The following SHB variants were observed in gnomAD, a reference collection of about 807,000 sequenced individuals.
The protein encoded by SHB is SH2 domain-containing adapter protein B.
A neutral mutation model predicts 52.3 loss-of-function variants in SHB; 20 were observed. That is an observed-to-expected ratio of 0.38 (90% CI 0.27 to 0.56). SHB has a LOEUF of 0.56. Ranked by LOEUF, SHB falls within the 20% of genes least tolerant of loss-of-function variation. The pLI, the probability that SHB is intolerant of heterozygous loss-of-function variation, is 0.71. For synonymous variants in SHB, 397 were observed against 316.5 expected (o/e 1.25, Z -2.70); for missense variants, 825 against 723.3 (o/e 1.14, Z -1.61).
In SHB at chr9:37,927,818, C is replaced by T. The variant is rs970841152; in HGVS notation, c.1347-7814G>A. 1.1e-4 allele frequency among the ~76,000 whole-genome samples: 17 copies of T among 152,278 alleles called. 2 individuals carry two copies. Among genetic ancestry groups the T allele is most frequent in the Admixed American group, 1.0e-3 (16 of 15,296 alleles). On this transcript the variant is annotated intron_variant, in intron 5 of 5. Transcript: ENST00000377707. ...CCTCAGGGTTCCCACCAGCCTCAGCCAAGTGCACGTGGAAACTGCAAGGAG... is the reference window on the plus strand; with the variant it reads ...CCTCAGGGTTCCCACCAGCCTCAGCTAAGTGCACGTGGAAACTGCAAGGAG...
chr9:38,067,822 T>C (rs1821989973), intron 1 of SHB, 107 bp downstream of exon 1: 3 of 1,249,554 alleles, frequency 2.4e-6, no homozygotes, highest in Non-Finnish European at 3.1e-6. Context: ...CCCAGGGTCC[T>C]AGGCCGAAGC....
At chr9:37,961,246 C>T (rs980824286) in intron 3 of SHB, among the ~76,000 whole-genome samples, 2 of 152,146 alleles carry the variant, frequency 1.3e-5, no homozygotes, top group Admixed American at 6.5e-5. Context: ...GTGGGTGCTG[C>T]GCCTGGGATT....
chr9:37,927,541 C>T (rs1378902887), intron 5 of SHB, among the ~76,000 whole-genome samples: 1 of 152,230 alleles, frequency 6.6e-6, no homozygotes, highest in Non-Finnish European at 1.5e-5. Flanking sequence ...GGCAGGAGAG[C>T]TGGCAGATGC....
At position 38,016,114 on chromosome 9, in the gene SHB, G is replaced by GTCA. The variant is rs769046564; in HGVS notation, c.732_734dup (p.Asp245dup). The GTCA allele has an allele frequency of 2.0e-5, 32 of 1,614,076 alleles. 1 individual carries two copies. The South Asian group carries it at 2.9e-4, about 14-fold the overall frequency. ...TCTTGGCATCAAAGGGATCTGAGTAGTCATCGGCTATGGTCACCTGCAGGG... is the reference window on the plus strand; with the variant it reads ...TCTTGGCATCAAAGGGATCTGAGTAGTCATCATCGGCTATGGTCACCTGCAGGG... On this transcript the variant is annotated inframe_insertion, in exon 2 of 6. Coordinates refer to ENST00000377707, the MANE Select transcript of SHB (RefSeq NM_003028.3).
intron 2 of SHB, among the ~76,000 whole-genome samples, chr9:37,990,803 C>T (rs573117833): frequency 7.9e-5 from 12 of 152,334 alleles, no homozygotes; most frequent in African/African-American, 2.4e-4. Flanking sequence ...GAACACATCA[C>T]GCTACAGTCA....
intron 3 of SHB, among the ~76,000 whole-genome samples, chr9:37,961,873 C>G (rs1452655360): frequency 6.6e-6 from 1 of 152,360 alleles, no homozygotes; most frequent in South Asian, 2.1e-4. Context: ...GAATTGGACA[C>G]TTTGCAGAGA....
rs1434712798 is a variant in SHB, at chr9:38,069,122, G to A, written c.-477C>T. Reference sequence around the variant, plus strand: ...CTGGGGAGAGCTCGGCCCCGCAGCGGAGGAGAATGCGGCCGGGAGAGACAG... The same window carrying A: ...CTGGGGAGAGCTCGGCCCCGCAGCGAAGGAGAATGCGGCCGGGAGAGACAG... On this transcript the variant is annotated 5_prime_UTR_variant, in exon 1 of 6. Transcript: ENST00000377707. 1 of 151,732 alleles carries A rather than the reference G, an allele frequency of 6.6e-6. No individual in the cohort carries two copies. The highest frequency in any genetic ancestry group is 1.5e-5 in the Non-Finnish European group (1 of 67,870). The allele number at this position is 151,732 out of a possible 1,614,324, so 9.4% of individuals were successfully genotyped here. A position where few individuals can be genotyped will look rare whatever the true frequency, so the allele number is the denominator to read the frequency against.
intron 1 of SHB, among the ~76,000 whole-genome samples, chr9:38,067,635 C>T (rs60191853): frequency 0.11 from 16,161 of 152,194 alleles, 1,684 homozygotes; most frequent in African/African-American, 0.25. Flanking sequence ...GACTTTACTC[C>T]TTGGCAGCCA....
At position 38,068,072 on chromosome 9, in the gene SHB, C is replaced by A. The variant is rs776295087; in HGVS notation, c.574G>T (p.Ala192Ser). ...KHRLIKVESAAGGGAGDPLGG... is the reference protein window; with the variant it reads ...KHRLIKVESASGGGAGDPLGG... Reference sequence around the variant, plus strand: ...AGGGGGTCCCCGGCCCCACCGCCCGCGGCGCTCTCCACTTTGATGAGGCGG... The same window carrying A: ...AGGGGGTCCCCGGCCCCACCGCCCGAGGCGCTCTCCACTTTGATGAGGCGG... Residue 192 changes from alanine to serine, a missense_variant, in exon 1 of 6, where the codon GCG becomes TCG. Coordinates refer to ENST00000377707, the MANE Select transcript of SHB (RefSeq NM_003028.3). The A allele has an allele frequency of 2.7e-6, 4 of 1,490,898 alleles. No homozygotes were observed. Among genetic ancestry groups the A allele is most frequent in the South Asian group, 1.3e-5 (1 of 76,558 alleles). The allele number at this position is 1,490,898 out of a possible 1,614,324, so 92.4% of individuals were successfully genotyped here.
chr9:37,929,205 G>T (rs1832285270), intron 5 of SHB, among the ~76,000 whole-genome samples: 1 of 152,238 alleles, frequency 6.6e-6, no homozygotes, highest in South Asian at 2.1e-4. Context: ...AGGGTAGTCT[G>T]AGGTCTGGAC....
intron 5 of SHB, among the ~76,000 whole-genome samples, chr9:37,947,243 TAG>T (rs1832503162): frequency 6.6e-6 from 1 of 152,222 alleles, no homozygotes; most frequent in Non-Finnish European, 1.5e-5. Flanking sequence ...CCCGCTAGGC[TAG>T]AAGTTCCCTC....
intron 1 of SHB, among the ~76,000 whole-genome samples, chr9:38,018,998 A>T (rs1587246686): frequency 6.6e-6 from 1 of 152,228 alleles, no homozygotes; most frequent in South Asian, 2.1e-4. Context: ...CTGTATATCT[A>T]ATTGAACAAT....
At chr9:37,994,092 T>C (rs1820918214) in intron 2 of SHB, among the ~76,000 whole-genome samples, 1 of 152,230 alleles carries the variant, frequency 6.6e-6, no homozygotes, top group African/African-American at 2.4e-5. Flanking sequence ...CAGTGGTTCA[T>C]TTACTTACAG....
intron 2 of SHB, among the ~76,000 whole-genome samples, chr9:37,985,525 G>A (rs1046643800): frequency 7.2e-5 from 11 of 152,224 alleles, no homozygotes; most frequent in Non-Finnish European, 1.2e-4. Flanking sequence ...GCGTTCTGGC[G>A]CCATCCCCCG....
At chr9:38,043,512 G>A (rs948890930) in intron 1 of SHB, among the ~76,000 whole-genome samples, 4 of 152,180 alleles carry the variant, frequency 2.6e-5, no homozygotes, top group African/African-American at 4.8e-5. Flanking sequence ...GGAGAGAAAC[G>A]CAAGGTGTCT....
intron 2 of SHB, among the ~76,000 whole-genome samples, chr9:37,992,238 T>C (rs779701175): frequency 1.4e-4 from 22 of 151,886 alleles, no homozygotes; most frequent in Non-Finnish European, 2.9e-4. Flanking sequence ...CCGTCTCTAC[T>C]AAAAATACAA....
At chr9:37,922,507 T>A (rs184413294) in intron 5 of SHB, among the ~76,000 whole-genome samples, 1 of 152,094 alleles carries the variant, frequency 6.6e-6, no homozygotes, top group Admixed American at 6.5e-5. Flanking sequence ...CCCCGGGAAG[T>A]CCCTCCTGCC....
Position 37,961,539 on chromosome 9 carries a change from A to C in SHB, c.1055-5485T>G, listed in dbSNP as rs560242830. Among the ~76,000 whole-genome samples the C allele has an allele frequency of 2.0e-5, 3 of 152,268 alleles. No homozygotes were observed. The East Asian group carries it at 5.8e-4, about 29-fold the overall frequency. ...TCCTCTGAATTTGATGTAATGATGC[A>C]ACTTCCCCTACAAAACCCCTGTGGG... On this transcript the variant is annotated intron_variant, in intron 3 of 5. Transcript: ENST00000377707.
intron 2 of SHB, among the ~76,000 whole-genome samples, chr9:37,978,850 G>C (rs766288311): frequency 1.3e-5 from 2 of 152,206 alleles, no homozygotes; most frequent in African/African-American, 2.4e-5. Context: ...AAAGACACTA[G>C]AGCAGAAAAA....
Sources: gnomAD v4.1 joint callset for allele counts (sites outside exome capture counted in the v4.1 genomes callset) on GRCh38, gnomAD v4.1.1 for gene constraint, MANE v1.5 for transcripts, NCBI Gene and HGNC (gene_info 2026-07-23, HGNC 2026-07-21) for gene names.